The following CHD6 variants were observed in gnomAD, a reference collection of about 807,000 sequenced individuals.
The protein encoded by CHD6 is ATP-dependent chromatin remodeler CHD6.
In CHD6, 50 loss-of-function variants were observed where a neutral mutation model predicts 276.9. The ratio of observed to expected loss-of-function variants is 0.18; its 90% CI spans 0.14 to 0.23. The LOEUF (loss-of-function observed/expected upper bound fraction) is 0.23, where lower values mean the gene tolerates loss of function less well. CHD6 is among the 10% of genes least tolerant of loss of function. The pLI is 1.00. For synonymous variants in CHD6, 1,173 were observed against 1,229.3 expected, an observed-to-expected ratio of 0.95 and a Z score of 0.96; for missense variants, 2,564 against 3,365.8, an observed-to-expected ratio of 0.76 and a Z score of 5.89.
intron 2 of CHD6, chr20:41,547,546 T>C (rs753263914): frequency 7.3e-5 from 35 of 477,844 alleles, no homozygotes; most frequent in Middle Eastern, 1.4e-3. Context: ...CCCAAAAAGG[T>C]TGATGATGAC....
intron 4 of CHD6, among the ~76,000 whole-genome samples, chr20:41,513,699 A>G (rs1433801992): frequency 1.3e-5 from 2 of 152,204 alleles, no homozygotes; most frequent in East Asian, 1.9e-4. Flanking sequence ...CATACTAATC[A>G]TATCTCAACA....
chr20:41,416,473 CA>C (rs892891662), intron 33 of CHD6, 114 bp downstream of exon 33: 291 of 939,542 alleles, frequency 3.1e-4, no homozygotes, highest in Non-Finnish European at 3.9e-4. Context: ...AATGGCTTGG[CA>C]AAAAAAAACC....
At chr20:41,498,394 A>G (rs1374488561) in intron 6 of CHD6, among the ~76,000 whole-genome samples, 168 bp from the exon 7 acceptor site, 1 of 152,150 alleles carries the variant, frequency 6.6e-6, no homozygotes, top group Non-Finnish European at 1.5e-5. Context: ...CAGGTTTTCC[A>G]AAGGTGGAAT....
intron 29 of CHD6, among the ~76,000 whole-genome samples, chr20:41,424,314 A>C (rs562998552): frequency 2.6e-5 from 4 of 152,326 alleles, no homozygotes; most frequent in African/African-American, 9.6e-5. Flanking sequence ...CTATACGAGT[A>C]AGTCAATGAC....
Position 41,447,792 on chromosome 20 carries a change from CTT to C in CHD6, c.3773+88_3773+89del, listed in dbSNP as rs371411961. The C allele has an allele frequency of 2.8e-3, 2,475 of 888,492 alleles. 32 individuals are homozygous for C. Among genetic ancestry groups the C allele is most frequent in the Middle Eastern group, 0.015 (65 of 4,476 alleles). The allele number at this position is 888,492 out of a possible 1,614,324, so 55.0% of individuals were successfully genotyped here. On this transcript the variant is annotated intron_variant, in intron 24 of 36. Coordinates refer to ENST00000373233, the MANE Select transcript of CHD6 (RefSeq NM_032221.5). ...CAGGGGGTAGGAGGAACATGGGCCT[CTT>C]TAAGCACAGGCAAGTTTGGCCAGCT...
intron 3 of CHD6, among the ~76,000 whole-genome samples, chr20:41,531,139 T>C (rs1362060293): frequency 6.6e-6 from 1 of 152,186 alleles, no homozygotes; most frequent in Non-Finnish European, 1.5e-5. Flanking sequence ...TCAGACCTCA[T>C]ACAATGTAAA....
intron 3 of CHD6, among the ~76,000 whole-genome samples, chr20:41,522,240 G>C (rs1326599311): frequency 6.6e-6 from 1 of 152,112 alleles, no homozygotes; most frequent in Non-Finnish European, 1.5e-5. Context: ...CAGGTACTTG[G>C]GAGGCTGAGA....
intron 25 of CHD6, among the ~76,000 whole-genome samples, chr20:41,440,981 T>C (rs2047884754): frequency 6.6e-6 from 1 of 152,226 alleles, no homozygotes; most frequent in Admixed American, 6.5e-5. Context: ...GATGCAGTTG[T>C]ATCCTTCAAG....
intron 2 of CHD6, among the ~76,000 whole-genome samples, chr20:41,537,775 T>C (rs1361544837): frequency 2.6e-5 from 4 of 152,178 alleles, no homozygotes; most frequent in Non-Finnish European, 4.4e-5. Context: ...TTTCATACAT[T>C]GTTGGTGGGA....
intron 15 of CHD6, among the ~76,000 whole-genome samples, chr20:41,483,862 G>A (rs146695242): frequency 6.6e-5 from 10 of 152,208 alleles, no homozygotes; most frequent in Middle Eastern, 6.8e-3. Context: ...GATAATCCAA[G>A]CCACATTTTG....
At position 41,403,388 on chromosome 20, in the gene CHD6, GT is replaced by G; in HGVS notation, c.*1204del. The G allele has an allele frequency of 9.4e-7, 1 of 1,063,284 alleles. No individual in the cohort carries two copies. 65.9% of individuals were successfully genotyped at this position (1,063,284 alleles called of 1,614,324 possible). ...GACATGGGGAAGTGCTGCTTAGGCA[GT>G]TTCTTTCTCAGTTCCTAAACATGGA... On this transcript the variant is annotated 3_prime_UTR_variant, in exon 37 of 37. Transcript: ENST00000373233.
Position 41,452,892 on chromosome 20 carries a change from G to A in CHD6, c.3171C>T (p.Tyr1057=), listed in dbSNP as rs140887617. Reference sequence around the variant, plus strand: ...TGAGCTCGTCTTCCTCAAACGAGTTGTAGTGTTTGGTCTGCTTTCTCACGC... The same window carrying A: ...TGAGCTCGTCTTCCTCAAACGAGTTATAGTGTTTGGTCTGCTTTCTCACGC... The part of the protein sequence containing the change: ...RPRVRKQTKH[Y]NSFEEDELME... The change falls in exon 21 of 37, where the codon TAC becomes TAT. Residue 1057 remains tyrosine (Y), a synonymous_variant. Transcript: ENST00000373233. The surrounding 1 kb of genome is among the most constrained non-coding windows in gnomAD (Gnocchi z 4.2). 2.2e-5 allele frequency: 36 copies of A among 1,613,656 alleles called. No homozygotes were observed. The highest frequency in any genetic ancestry group is 2.9e-5 in the Non-Finnish European group (34 of 1,179,966).
intron 17 of CHD6, among the ~76,000 whole-genome samples, chr20:41,466,463 T>G (rs2042923072): frequency 6.6e-6 from 1 of 152,194 alleles, no homozygotes; most frequent in African/African-American, 2.4e-5. Context: ...AACAATTCAG[T>G]TGTGTAGTCT....
chr20:41,573,562 T>C (rs148864953), intron 1 of CHD6, among the ~76,000 whole-genome samples: 1 of 152,122 alleles, frequency 6.6e-6, no homozygotes, highest in Non-Finnish European at 1.5e-5. Flanking sequence ...AGTTCCAAAT[T>C]AGGAGTAAGT....
chr20:41,553,611 G>A (rs367894304), intron 1 of CHD6, among the ~76,000 whole-genome samples: 9 of 152,360 alleles, frequency 5.9e-5, no homozygotes, highest in East Asian at 1.9e-4. Flanking sequence ...TGCAGGACAC[G>A]GCAGTGAGGA....
chr20:41,506,530 C>A (rs904008478), intron 5 of CHD6, among the ~76,000 whole-genome samples: 9 of 152,164 alleles, frequency 5.9e-5, no homozygotes, highest in Admixed American at 2.0e-4. Context: ...CAACTCTGAC[C>A]ACCCTATTTA....
At chr20:41,441,303 C>A (rs374856844) in intron 25 of CHD6, among the ~76,000 whole-genome samples, 1 of 152,126 alleles carries the variant, frequency 6.6e-6, no homozygotes, top group African/African-American at 2.4e-5. Context: ...CCAGATGAGT[C>A]GGTTTTGCCT....
chr20:41,552,166 CT>C (rs986549072), intron 1 of CHD6, among the ~76,000 whole-genome samples: 1 of 152,194 alleles, frequency 6.6e-6, no homozygotes, highest in Non-Finnish European at 1.5e-5. Context: ...ATCTGAAGCT[CT>C]TACCTTCCTC....
intron 25 of CHD6, among the ~76,000 whole-genome samples, chr20:41,442,663 G>A (rs2047935979): frequency 1.3e-5 from 2 of 152,206 alleles, no homozygotes; most frequent in Non-Finnish European, 2.9e-5. Flanking sequence ...GAGTATCTGA[G>A]AAGCTGTCAC....
Sources: gnomAD v4.1 joint callset for allele counts (sites outside exome capture counted in the v4.1 genomes callset) on GRCh38, gnomAD v4.1.1 for gene constraint, Gnocchi (gnomAD v3.1) non-coding constraint, MANE v1.5 for transcripts, NCBI Gene and HGNC (gene_info 2026-07-23, HGNC 2026-07-21) for gene names.